FRYL: variants seen among roughly 807,000 people sequenced by gnomAD.
The protein encoded by FRYL is FRY like transcription coactivator.
In FRYL, 150 loss-of-function variants were observed where a neutral mutation model predicts 351.2. That is an observed-to-expected ratio of 0.43 (90% CI 0.37 to 0.49). FRYL has a LOEUF of 0.49. Ranked by LOEUF, FRYL falls within the 20% of genes least tolerant of loss-of-function variation. The probability of loss-of-function intolerance (pLI) is 0.00; values close to 1 mark genes in which losing one functional copy is unlikely to be tolerated. For synonymous variants in FRYL, 1,153 were observed against 1,257.1 expected, an observed-to-expected ratio of 0.92 and a Z score of 1.75; for missense variants, 3,036 against 3,619.3, an observed-to-expected ratio of 0.84 and a Z score of 4.13.
intron 34 of FRYL, 85 bp from the exon 35 acceptor site, chr4:48,557,203 A>T: frequency 6.8e-7 from 1 of 1,481,366 alleles, no homozygotes. Flanking sequence ...ATATTAAAAA[A>T]TGTTTTGTAC....
chr4:48,620,992 G>A (rs1269071014), intron 5 of FRYL, among the ~76,000 whole-genome samples: 3 of 152,192 alleles, frequency 2.0e-5, no homozygotes, highest in Admixed American at 2.0e-4. Context: ...ACGTGGTTTA[G>A]CTCAATGGCT....
At chr4:48,566,457 T>C (rs1452344170) in intron 28 of FRYL, among the ~76,000 whole-genome samples, 1 of 152,202 alleles carries the variant, frequency 6.6e-6, no homozygotes, top group Non-Finnish European at 1.5e-5. Flanking sequence ...ATCTTTATAT[T>C]AGTGAGCTTC....
chr4:48,669,054 A>G (rs1762223612), intron 3 of FRYL, among the ~76,000 whole-genome samples: 2 of 152,194 alleles, frequency 1.3e-5, no homozygotes. Context: ...ATTTTGAGAT[A>G]GACATTTTAT....
At chr4:48,664,302 AG>A (rs1305828193) in intron 3 of FRYL, among the ~76,000 whole-genome samples, 12 of 152,212 alleles carry the variant, frequency 7.9e-5, no homozygotes, top group African/African-American at 2.9e-4. Context: ...GGACTTGCAG[AG>A]GACACAGTGG....
At chr4:48,597,219 G>A (rs528570373) in intron 13 of FRYL, among the ~76,000 whole-genome samples, 25 of 152,210 alleles carry the variant, frequency 1.6e-4, no homozygotes, top group African/African-American at 6.0e-4. Context: ...TAAGATATCA[G>A]ATGTCAAAAT....
Position 48,502,923 on chromosome 4 carries a change from A to G in FRYL, c.8464-78T>C, listed in dbSNP as rs377329723. 1.3e-4 allele frequency: 148 copies of G among 1,121,812 alleles called. 1 individual carries two copies. The South Asian group carries it at 1.8e-3, about 14-fold the overall frequency. 69.5% of individuals were successfully genotyped at this position (1,121,812 alleles called of 1,614,324 possible). Reference sequence around the variant, plus strand: ...AGAATTAGTGTAAGAAATCATTTTAACTAGGGTCACAGATGTTCCAGGTAA... The same window carrying G: ...AGAATTAGTGTAAGAAATCATTTTAGCTAGGGTCACAGATGTTCCAGGTAA... On this transcript the variant is annotated intron_variant, in intron 60 of 63. Coordinates refer to ENST00000358350, the MANE Select transcript of FRYL (RefSeq NM_015030.2).
At chr4:48,510,355 G>A (rs896372690) in intron 58 of FRYL, among the ~76,000 whole-genome samples, 198 bp from the exon 59 acceptor site, 6 of 152,178 alleles carry the variant, frequency 3.9e-5, no homozygotes, top group African/African-American at 1.4e-4. Flanking sequence ...GGAGGGTCAG[G>A]AAGGACATCC....
chr4:48,575,473 C>T (rs1739402203), intron 24 of FRYL, among the ~76,000 whole-genome samples: 1 of 152,176 alleles, frequency 6.6e-6, no homozygotes, highest in Non-Finnish European at 1.5e-5. Flanking sequence ...CTTACAGACA[C>T]TCATGATCAT....
intron 43 of FRYL, 123 bp from the exon 44 acceptor site, chr4:48,544,120 A>T: frequency 1.3e-6 from 1 of 754,538 alleles, no homozygotes; most frequent in Non-Finnish European, 2.1e-6. Flanking sequence ...ACATTTTATA[A>T]GTCAATGCTT....
intron 6 of FRYL, among the ~76,000 whole-genome samples, chr4:48,620,179 T>G (rs1158703569): frequency 6.6e-6 from 1 of 152,182 alleles, no homozygotes; most frequent in African/African-American, 2.4e-5. Context: ...CCTGGGAAAT[T>G]TGAAGGAGAA....
chr4:48,674,858 A>C (rs534064241), intron 3 of FRYL, among the ~76,000 whole-genome samples: 83 of 152,046 alleles, frequency 5.5e-4, no homozygotes, highest in African/African-American at 1.9e-3. Flanking sequence ...AAATTGGGGG[A>C]AAAACAGATC....
chr4:48,671,867 A>AAC (rs1762782168), intron 3 of FRYL, among the ~76,000 whole-genome samples: 3 of 126,930 alleles, frequency 2.4e-5, no homozygotes, highest in East Asian at 2.2e-4. Flanking sequence ...ACAAAAAAAA[A>AAC]AAAAACAAAA....
At chr4:48,648,907 T>C (rs1419531782) in intron 3 of FRYL, among the ~76,000 whole-genome samples, 2 of 152,192 alleles carry the variant, frequency 1.3e-5, no homozygotes, top group Admixed American at 6.5e-5. Context: ...GTGATAATTG[T>C]ACAATTTTGG....
intron 1 of FRYL, among the ~76,000 whole-genome samples, chr4:48,765,381 G>T (rs1240536731): frequency 6.6e-6 from 1 of 152,126 alleles, no homozygotes; most frequent in African/African-American, 2.4e-5. Context: ...CAACAAAGGT[G>T]CCAAAAATGT....
chr4:48,563,851 CAACTA>C, intron 31 of FRYL, 92 bp downstream of exon 31: 1 of 1,323,828 alleles, frequency 7.6e-7, no homozygotes, highest in Non-Finnish European at 1.0e-6. Context: ...TACTGAAGGA[CAACTA>C]AACTGGTGTC....
intron 22 of FRYL, 88 bp downstream of exon 22, chr4:48,580,777 A>G (rs1332127428): frequency 2.5e-6 from 2 of 809,180 alleles, no homozygotes; most frequent in Non-Finnish European, 4.1e-6. Flanking sequence ...TAAGGAAGTT[A>G]TTTTATGTAT....
rs1481899729 is a variant in FRYL, at chr4:48,501,691, A to G, written c.8524T>C (p.Leu2842=). Residue 2842 remains leucine, a synonymous_variant, in exon 62 of 64, where the codon TTG becomes CTG. Coordinates refer to ENST00000358350, the MANE Select transcript of FRYL (RefSeq NM_015030.2). ...CAGTAGGCCTGGAACAGAAGCAGCAATTGAAAATGCAATTTGTATAATCTT... is the reference window on the plus strand; with the variant it reads ...CAGTAGGCCTGGAACAGAAGCAGCAGTTGAAAATGCAATTTGTATAATCTT... The part of the protein sequence containing the change: ...CRRLYKLHFQ[L]LLLFQAYCKL... The G allele has an allele frequency of 2.5e-6, 4 of 1,610,448 alleles. No homozygotes were observed. The highest frequency in any genetic ancestry group is 3.4e-6 in the Non-Finnish European group (4 of 1,177,152).
intron 3 of FRYL, among the ~76,000 whole-genome samples, chr4:48,638,837 T>A (rs993798307): frequency 2.0e-5 from 3 of 152,090 alleles, no homozygotes; most frequent in Non-Finnish European, 2.9e-5. Flanking sequence ...AACATCATTC[T>A]CAGCAAACTA....
chr4:48,765,588 G>A (rs1286109537), intron 1 of FRYL, among the ~76,000 whole-genome samples: 2 of 152,058 alleles, frequency 1.3e-5, no homozygotes, highest in Non-Finnish European at 2.9e-5. Context: ...ACTGGTCTTG[G>A]CAATGATTTT....
Sources: allele counts gnomAD v4.1 joint callset (sites outside exome capture counted in the v4.1 genomes callset), GRCh38; gene constraint gnomAD v4.1.1; transcripts MANE v1.5; gene names NCBI Gene and HGNC (gene_info 2026-07-23, HGNC 2026-07-21).